Variants in ANKRD26 observed in about 807,000 individuals in gnomAD.
ANKRD26 encodes ankyrin repeat domain-containing protein 26.
In ANKRD26, 141 loss-of-function variants were observed where a neutral mutation model predicts 208.7. The observed-to-expected ratio is 0.68, with a 90% CI of 0.59 to 0.78. ANKRD26 has a LOEUF of 0.78. Among genes scored for constraint, ANKRD26 ranks in the 30% least tolerant of loss-of-function variants. The pLI is 0.00. For missense variants in ANKRD26, 1,889 were observed against 1,938.7 expected (o/e 0.97, Z 0.48); for synonymous variants, 636 against 660.4 (o/e 0.96, Z 0.57).
At position 27,043,572 on chromosome 10, in the gene ANKRD26, G is replaced by A; in HGVS notation, c.2020-5C>T. The stretch of plus-strand genomic sequence containing the variant: ...AGACTGTATTTGGTTTTTGACCTAT[G>A]AAATAAATAACACTGTTTCAAAATG... On this transcript the variant is annotated splice_polypyrimidine_tract_variant and splice_region_variant and intron_variant, in intron 19 of 33. Transcript: ENST00000376087. 6.2e-7 allele frequency: 1 copy of A among 1,611,360 alleles called. No individual in the cohort carries two copies. The highest frequency in any genetic ancestry group is 8.5e-7 in the Non-Finnish European group (1 of 1,177,848).
intron 1 of ANKRD26, among the ~76,000 whole-genome samples, chr10:27,097,397 GT>G (rs2056503505): frequency 6.6e-6 from 1 of 151,098 alleles, no homozygotes; most frequent in South Asian, 2.1e-4. Flanking sequence ...GGAAGCAGAG[GT>G]TGCAGTAAAG....
downstream of ANKRD26, among the ~76,000 whole-genome samples, chr10:26,972,049 C>A (rs112064411): frequency 0.14 from 20,616 of 152,012 alleles, 1,808 homozygotes; most frequent in Non-Finnish European, 0.2. Flanking sequence ...TCCTGGCTAA[C>A]ACGGTGAAAC....
the ANKRD26 span, among the ~76,000 whole-genome samples, chr10:26,965,342 T>C: frequency 1.3e-5 from 2 of 152,268 alleles, no homozygotes; most frequent in East Asian, 3.9e-4. Flanking sequence ...TCTACAACTA[T>C]CTGATCTTTG....
At chr10:27,048,778 TG>T in intron 17 of ANKRD26, 22 bp downstream of exon 17, 1 of 1,598,476 alleles carries the variant, frequency 6.3e-7, no homozygotes, top group African/African-American at 1.3e-5. Flanking sequence ...AATTATCTGC[TG>T]TTAAATATGC....
At chr10:26,979,280 TGGTGAAGGATATCAA>T (rs1199007139) in intron 5 of ANKRD26, among the ~76,000 whole-genome samples, 4 of 152,202 alleles carry the variant, frequency 2.6e-5, no homozygotes, top group African/African-American at 9.6e-5. Flanking sequence ...ATGCTATTCC[TGGTGAAGGATATCAA>T]GCCAAATGTG....
downstream of ANKRD26, among the ~76,000 whole-genome samples, chr10:26,969,922 C>T (rs2052119883): frequency 6.6e-6 from 1 of 151,530 alleles, no homozygotes; most frequent in South Asian, 2.1e-4. Flanking sequence ...GCAACCTCTG[C>T]CTCCCAGGTT....
chr10:26,983,515 C>T (rs1174658301), intron 3 of ANKRD26, among the ~76,000 whole-genome samples: 1 of 152,144 alleles, frequency 6.6e-6, no homozygotes, highest in Admixed American at 6.5e-5. Context: ...TCACAATGTT[C>T]TCCAAGTATC....
chr10:26,977,191 G>T (rs2052240612), intron 5 of ANKRD26, among the ~76,000 whole-genome samples: 1 of 152,136 alleles, frequency 6.6e-6, no homozygotes, highest in Non-Finnish European at 1.5e-5. Context: ...ACCCAGGACC[G>T]GAACTTTTTG....
At chr10:27,025,867 T>G (rs1417750681) in intron 27 of ANKRD26, among the ~76,000 whole-genome samples, 2 of 152,210 alleles carry the variant, frequency 1.3e-5, no homozygotes, top group Non-Finnish European at 2.9e-5. Context: ...AACCATATTC[T>G]CAACCACACA....
rs577441200 is a variant in ANKRD26, at chr10:27,092,248, T to G, written c.638+158A>C. Among the ~76,000 whole-genome samples the G allele has an allele frequency of 3.3e-5, 5 of 152,308 alleles. No individual in the cohort carries two copies. In the South Asian group the frequency reaches 1.0e-3, roughly 32 times the overall value. On this transcript the variant is annotated intron_variant, in intron 4 of 33. Coordinates refer to ENST00000376087, the MANE Select transcript of ANKRD26 (RefSeq NM_014915.3). ...CCCATAATTATGTTAACCTTCTTAT[T>G]AAATTAATATTTCTGACTTGAGTGA...
the ANKRD26 span, among the ~76,000 whole-genome samples, chr10:26,963,912 T>TTG: frequency 1.5e-5 from 2 of 136,254 alleles, no homozygotes; most frequent in African/African-American, 5.6e-5. Flanking sequence ...GGTTTTTTTT[T>TTG]TTTTTTTTTT....
At chr10:26,975,056 G>A (rs1371076575) in exon 6 of ANKRD26, among the ~76,000 whole-genome samples, 1 of 152,118 alleles carries the variant, frequency 6.6e-6, no homozygotes, top group Non-Finnish European at 1.5e-5. Context: ...AGGGGGTTGT[G>A]TTACAGGAGA....
chr10:26,989,694 C>T (rs1459200268), downstream of ANKRD26, among the ~76,000 whole-genome samples: 3 of 152,158 alleles, frequency 2.0e-5, no homozygotes, highest in Non-Finnish European at 4.4e-5. Flanking sequence ...CCCCCTTTTC[C>T]CATCTTCCTG....
In ANKRD26 at chr10:27,094,036, G is replaced by A. The variant is rs958580309; in HGVS notation, c.243-237C>T. ...ATCACGAGGATGGTTCCCCCGTGCT[G>A]CTGCTCTTGTGATAGTGAGTTCTCA... On this transcript the variant is annotated intron_variant, in intron 1 of 33. Coordinates refer to ENST00000376087, the MANE Select transcript of ANKRD26 (RefSeq NM_014915.3). Among the ~76,000 whole-genome samples the A allele has an allele frequency of 1.6e-4, 25 of 152,106 alleles. No individual in the cohort carries two copies. In the East Asian group the frequency reaches 4.8e-3, roughly 29 times the overall value.
At chr10:27,068,736 ACCC>A (rs2055360810) in intron 9 of ANKRD26, among the ~76,000 whole-genome samples, 1 of 152,108 alleles carries the variant, frequency 6.6e-6, no homozygotes, top group Admixed American at 6.6e-5. Flanking sequence ...CAGAAAGGTC[ACCC>A]TGGCAGCAAT....
chr10:27,054,501 C>T lies in ANKRD26; in HGVS notation c.1565-1111G>A, dbSNP rs139718492. On this transcript the variant is annotated intron_variant, in intron 15 of 33. Transcript: ENST00000376087. ...TCGGGAGGCTGAGTCAGGAAAATCA[C>T]TTGAACCCGGGAGGCGGAGGTTGCG... Among the ~76,000 whole-genome samples the T allele has an allele frequency of 6.3e-3, 964 of 152,244 alleles. 40 individuals are homozygous for T. The East Asian group carries it at 0.11, about 18-fold the overall frequency.
intron 28 of ANKRD26, among the ~76,000 whole-genome samples, chr10:27,023,402 A>C (rs2053554777): frequency 6.6e-6 from 1 of 152,028 alleles, no homozygotes; most frequent in African/African-American, 2.4e-5. Context: ...AAGACACAAA[A>C]ATACATTTGA....
At chr10:27,018,623 T>G (rs2053384936) in intron 29 of ANKRD26, among the ~76,000 whole-genome samples, 1 of 152,206 alleles carries the variant, frequency 6.6e-6, no homozygotes. Context: ...TTGACTTGCA[T>G]TCCAAGGGGT....
At chr10:26,989,376 C>T (rs1011306241), downstream of ANKRD26, among the ~76,000 whole-genome samples, 1 of 152,206 alleles carries the variant, frequency 6.6e-6, no homozygotes, top group Admixed American at 6.5e-5. Flanking sequence ...ATTGTCAAGA[C>T]TTTTTAAAAT....
Sources: gnomAD v4.1 joint callset for allele counts (sites outside exome capture counted in the v4.1 genomes callset) on GRCh38, gnomAD v4.1.1 for gene constraint, MANE v1.5 for transcripts, NCBI Gene and HGNC (gene_info 2026-07-23, HGNC 2026-07-21) for gene names.